The following SERINC1 variants were observed in gnomAD, a reference collection of about 807,000 sequenced individuals.
SERINC1 encodes serine incorporator 1.
Under a neutral mutation model 52.9 loss-of-function variants are expected in SERINC1, and 38 were observed. That is an observed-to-expected ratio of 0.72 (90% confidence interval 0.55 to 0.94). The LOEUF is 0.94. SERINC1 is among the 40% of genes least tolerant of loss of function. SERINC1 has a pLI of 0.00. For missense variants in SERINC1, 471 were observed against 533.9 expected (o/e 0.88, Z 1.16); for synonymous variants, 198 against 183.1 (o/e 1.08, Z -0.66).
chr6:122,460,832 A>G (rs559929473), intron 1 of SERINC1, among the ~76,000 whole-genome samples: 2 of 152,318 alleles, frequency 1.3e-5, no homozygotes, highest in South Asian at 4.1e-4. Flanking sequence ...AGTATATATC[A>G]CATGCTCAAG....
chr6:122,451,192 C>T (rs899237755), intron 7 of SERINC1, among the ~76,000 whole-genome samples: 11 of 152,164 alleles, frequency 7.2e-5, no homozygotes, highest in African/African-American at 2.4e-4. Context: ...ACACCCTGTT[C>T]GGTCAGCAGC....
At chr6:122,468,538 T>TA (rs1288931713) in intron 1 of SERINC1, among the ~76,000 whole-genome samples, 1 of 147,280 alleles carries the variant, frequency 6.8e-6, no homozygotes, top group African/African-American at 2.6e-5. Context: ...TAAGAATTAC[T>TA]TTTTTTTTTG....
At chr6:122,469,568 G>T (rs1255707442) in intron 1 of SERINC1, among the ~76,000 whole-genome samples, 1 of 147,826 alleles carries the variant, frequency 6.8e-6, no homozygotes, top group African/African-American at 2.5e-5. Context: ...GTTTTGTTTT[G>T]TTTTCTGAGA....
At chr6:122,459,363 C>G (rs1775059856) in intron 1 of SERINC1, among the ~76,000 whole-genome samples, 1 of 152,062 alleles carries the variant, frequency 6.6e-6, no homozygotes, top group Non-Finnish European at 1.5e-5. Context: ...AATATCATAA[C>G]CTGGGCTGAG....
intron 3 of SERINC1, 171 bp from the exon 4 acceptor site, chr6:122,454,401 G>C (rs1027126728): frequency 1.9e-6 from 1 of 539,410 alleles, no homozygotes; most frequent in Admixed American, 3.4e-5. Flanking sequence ...TACAAAACAA[G>C]GTAATCATCA....
intron 1 of SERINC1, among the ~76,000 whole-genome samples, chr6:122,469,413 G>A (rs1244207469): frequency 6.9e-6 from 1 of 144,710 alleles, no homozygotes; most frequent in Non-Finnish European, 1.5e-5. Flanking sequence ...GTCTCACTCT[G>A]TTGCCCAGGC....
At chr6:122,447,507 T>A (rs925575917) in intron 7 of SERINC1, among the ~76,000 whole-genome samples, 2 of 152,170 alleles carry the variant, frequency 1.3e-5, no homozygotes, top group African/African-American at 4.8e-5. Flanking sequence ...TTCAACAACA[T>A]GTGATAGCTG....
At chr6:122,447,495 T>C (rs1392550032) in intron 7 of SERINC1, among the ~76,000 whole-genome samples, 1 of 152,130 alleles carries the variant, frequency 6.6e-6, no homozygotes, top group East Asian at 1.9e-4. Flanking sequence ...AATCATTTAA[T>C]TTTCAACAAC....
chr6:122,466,025 C>G (rs1335962722), intron 1 of SERINC1, among the ~76,000 whole-genome samples: 1 of 152,060 alleles, frequency 6.6e-6, no homozygotes, highest in Non-Finnish European at 1.5e-5. Flanking sequence ...CACTTGAGGT[C>G]AGGAGTTCAA....
In SERINC1 at chr6:122,451,770, A is replaced by ATATATATATATATAT. The variant is rs1293900980; in HGVS notation, c.760-17_760-16insATATATATATATATA. 1 of 258,362 alleles carries ATATATATATATATAT rather than the reference A, an allele frequency of 3.9e-6. No individual in the cohort carries two copies. The allele number at this position is 258,362 out of a possible 1,614,324, so 16.0% of individuals were successfully genotyped here. On this transcript the variant is annotated splice_polypyrimidine_tract_variant and intron_variant, in intron 6 of 9. Coordinates refer to ENST00000339697, the MANE Select transcript of SERINC1 (RefSeq NM_020755.4). ...GTTGTGATTCCTACAAAAAAAAAAA[A>ATATATATATATATAT]AAAAAAATATATATATATATATATA...
At chr6:122,451,776 A>AATATATATATAT (rs1554211251) in intron 6 of SERINC1, 22 bp from the exon 7 acceptor site, 51 of 113,034 alleles carry the variant, frequency 4.5e-4, no homozygotes, top group Middle Eastern at 4.4e-3. Flanking sequence ...AAAAAAAAAA[A>AATATATATATAT]ATATATATAT....
chr6:122,463,881 CA>C (rs1319374636), intron 1 of SERINC1, among the ~76,000 whole-genome samples: 1 of 151,960 alleles, frequency 6.6e-6, no homozygotes, highest in African/African-American at 2.4e-5. Flanking sequence ...TATAATTACA[CA>C]AAAAAACCTT....
chr6:122,464,782 C>T (rs897772000), intron 1 of SERINC1, among the ~76,000 whole-genome samples: 3 of 152,174 alleles, frequency 2.0e-5, no homozygotes, highest in Admixed American at 6.5e-5. Context: ...AAGCCAAGGA[C>T]TGGTAGAGAG....
chr6:122,455,108 T>A (rs1305243130), intron 3 of SERINC1, among the ~76,000 whole-genome samples: 2 of 152,170 alleles, frequency 1.3e-5, no homozygotes, highest in African/African-American at 4.8e-5. Context: ...GCAGATTATG[T>A]ATGATCTCAG....
chr6:122,454,311 TAAC>T (rs1774961152), intron 3 of SERINC1, 81 bp from the exon 4 acceptor site: 1 of 717,646 alleles, frequency 1.4e-6, no homozygotes, highest in Non-Finnish European at 2.4e-6. Context: ...AACTGCATCT[TAAC>T]AAATAGCTAC....
intron 1 of SERINC1, among the ~76,000 whole-genome samples, chr6:122,469,395 GAC>G (rs746327943): frequency 1.1e-5 from 1 of 91,072 alleles, no homozygotes; most frequent in Non-Finnish European, 2.2e-5. Flanking sequence ...TTTTTTTTTT[GAC>G]ACAGAGTCTC....
intron 1 of SERINC1, among the ~76,000 whole-genome samples, chr6:122,463,574 T>C (rs1053112677): frequency 6.6e-6 from 1 of 152,156 alleles, no homozygotes; most frequent in Non-Finnish European, 1.5e-5. Flanking sequence ...AAAAGGCATA[T>C]AGACAGCAAA....
intron 7 of SERINC1, among the ~76,000 whole-genome samples, chr6:122,450,683 T>C (rs1193734303): frequency 6.6e-6 from 1 of 152,054 alleles, no homozygotes; most frequent in Admixed American, 6.6e-5. Context: ...TGGGAAAAAA[T>C]GTCAAAATAT....
At position 122,446,991 on chromosome 6, in the gene SERINC1, T is replaced by C; in HGVS notation, c.1009A>G (p.Asn337Asp). 1.2e-6 allele frequency: 2 copies of C among 1,609,592 alleles called. No individual in the cohort carries two copies. The highest frequency in any genetic ancestry group is 4.5e-5 in the East Asian group (2 of 44,862). Reference sequence around the variant, plus strand: ...GTCAGTTTATTAACCTGACTATTGTTTGAAGTACGGATGCTGTATGAAAGA... The same window carrying C: ...GTCAGTTTATTAACCTGACTATTGTCTGAAGTACGGATGCTGTATGAAAGA... ...CVFYSSIRTS[N>D]NSQVNKLTLT... The change falls in exon 9 of 10, where the codon AAC (asparagine) becomes GAC (aspartate). Residue 337 changes from asparagine (N) to aspartate (D), a missense_variant. Transcript: ENST00000339697.
Sources: gnomAD v4.1 joint callset for allele counts (sites outside exome capture counted in the v4.1 genomes callset) on GRCh38, gnomAD v4.1.1 for gene constraint, MANE v1.5 for transcripts, NCBI Gene and HGNC (gene_info 2026-07-23, HGNC 2026-07-21) for gene names.